BRI3BP: variants seen among roughly 807,000 people sequenced by gnomAD.
BRI3BP encodes BRI3-binding protein.
A neutral mutation model predicts 15.8 loss-of-function variants in BRI3BP; 7 were observed. That is an observed-to-expected ratio of 0.44 (90% confidence interval 0.25 to 0.83). The LOEUF (loss-of-function observed/expected upper bound fraction) is 0.83, where lower values mean the gene tolerates loss of function less well. Ranked by LOEUF, BRI3BP falls within the 40% of genes least tolerant of loss-of-function variation. The pLI, the probability that BRI3BP is intolerant of heterozygous loss-of-function variation, is 0.20. For synonymous variants in BRI3BP, 192 were observed against 163.5 expected (o/e 1.17, Z -1.33); for missense variants, 320 against 339.3 (o/e 0.94, Z 0.45).
the BRI3BP span, among the ~76,000 whole-genome samples, chr12:125,041,598 G>T: frequency 1.3e-5 from 2 of 152,140 alleles, no homozygotes; most frequent in Non-Finnish European, 2.9e-5. Context: ...CTGAGCTCCT[G>T]CCTGGTCCCC....
chr12:124,995,745 A>G (rs927965541), intron 1 of BRI3BP, among the ~76,000 whole-genome samples: 1 of 152,226 alleles, frequency 6.6e-6, no homozygotes, highest in Non-Finnish European at 1.5e-5. Flanking sequence ...ACTGAGACAC[A>G]GAGCAGTGAA....
At chr12:125,033,126 A>G (rs2136004824), downstream of BRI3BP, among the ~76,000 whole-genome samples, 1 of 152,352 alleles carries the variant, frequency 6.6e-6, no homozygotes, top group South Asian at 2.1e-4. Flanking sequence ...GCCAAGGGCA[A>G]AGTTAAGCTT....
chr12:125,018,191 T>C (rs1955263766), intron 2 of BRI3BP, among the ~76,000 whole-genome samples: 2 of 152,206 alleles, frequency 1.3e-5, no homozygotes, highest in Middle Eastern at 6.8e-3. Context: ...ACTTGACAAG[T>C]GTGCAGGTGT....
At chr12:125,010,050 C>T (rs1031501224) in intron 1 of BRI3BP, among the ~76,000 whole-genome samples, 10 of 151,612 alleles carry the variant, frequency 6.6e-5, no homozygotes, top group Non-Finnish European at 8.8e-5. Flanking sequence ...TGCCTTGAGT[C>T]GAGATTGCAC....
intron 1 of BRI3BP, among the ~76,000 whole-genome samples, chr12:124,999,684 T>C (rs796938025): frequency 6.7e-6 from 1 of 150,000 alleles, no homozygotes. Flanking sequence ...GTGGCGCAAT[T>C]TCGGCTCACT....
downstream of BRI3BP, among the ~76,000 whole-genome samples, chr12:125,032,800 A>T (rs1322244529): frequency 6.6e-6 from 1 of 152,228 alleles, no homozygotes; most frequent in Non-Finnish European, 1.5e-5. Context: ...GTAAGAATGC[A>T]TTGAAAGCAA....
the BRI3BP span, among the ~76,000 whole-genome samples, chr12:125,040,948 T>C: frequency 2.8e-4 from 43 of 151,920 alleles, no homozygotes; most frequent in African/African-American, 1.0e-3. Flanking sequence ...CCAGGCTGAT[T>C]TTGAACTCCT....
At position 125,025,352 on chromosome 12, in the gene BRI3BP, C is replaced by T. The variant is rs146116191; in HGVS notation, c.678C>T (p.His226=). ...SNPSVEEKLE[H]LEKQVRLLNI... ...CCAGCGTGGAGGAGAAGCTGGAGCA[C>T]CTGGAGAAGCAGGTCAGACTGCTCA... The change falls in exon 3 of 3, where the codon CAC becomes CAT. Residue 226 remains histidine (H), a synonymous_variant. Transcript: ENST00000341446. 1.5e-5 allele frequency: 24 copies of T among 1,612,828 alleles called. No individual in the cohort carries two copies. The African/African-American group carries it at 3.1e-4, about 21-fold the overall frequency.
intron 1 of BRI3BP, 106 bp from the exon 2 acceptor site, chr12:125,012,428 C>T (rs1955204379): frequency 1.2e-5 from 10 of 867,654 alleles, no homozygotes; most frequent in Non-Finnish European, 1.9e-5. Context: ...ATCATGGGCT[C>T]ACTATTTTTC....
chr12:124,998,265 C>CG lies in BRI3BP; in HGVS notation c.213+4267dup, dbSNP rs558510557. 1.5e-4 allele frequency among the ~76,000 whole-genome samples: 23 copies of CG among 152,146 alleles called. No individual in the cohort carries two copies. In the South Asian group the frequency reaches 4.4e-3, roughly 29 times the overall value. On this transcript the variant is annotated intron_variant, in intron 1 of 2. Coordinates refer to ENST00000341446, the MANE Select transcript of BRI3BP (RefSeq NM_080626.6). ...TTGAGTCGCCCCACTGCACTCAAGC[C>CG]GGGGGAACAGAGACTCCGTCTCAAA...
At chr12:124,997,240 C>G (rs1478142511) in intron 1 of BRI3BP, among the ~76,000 whole-genome samples, 2 of 14,114 alleles carry the variant, frequency 1.4e-4, no homozygotes, top group East Asian at 0.037. Flanking sequence ...TTTTGAGATG[C>G]AGTCTCGCTT....
intron 1 of BRI3BP, among the ~76,000 whole-genome samples, chr12:124,999,605 A>G (rs1290029194): frequency 6.8e-6 from 1 of 147,758 alleles, no homozygotes; most frequent in Non-Finnish European, 1.5e-5. Flanking sequence ...TTTATTTTTT[A>G]TTTTTATTTA....
rs766177067 is a variant in BRI3BP at position 125,025,247 on chromosome 12, G to C, written c.573G>C (p.Val191=). The change falls in exon 3 of 3, where the codon GTG becomes GTC. Residue 191 remains valine (V), a synonymous_variant. Coordinates refer to ENST00000341446, the MANE Select transcript of BRI3BP (RefSeq NM_080626.6). ...ACGCGGTGCTGCCGCTGTGCTTCGT[G>C]GTGGCCGTCTACTTCATGACCGGGC... ...PENAVLPLCF[V]VAVYFMTGPM... is the part of the protein sequence containing the mutation. 1 of 1,614,018 alleles carries C rather than the reference G, an allele frequency of 6.2e-7. No homozygotes were observed. Among genetic ancestry groups the C allele is most frequent in the Non-Finnish European group, 8.5e-7 (1 of 1,180,046 alleles).
chr12:125,046,226 A>T, the BRI3BP span, among the ~76,000 whole-genome samples: 1 of 151,942 alleles, frequency 6.6e-6, no homozygotes, highest in East Asian at 1.9e-4. Context: ...TAACTGACAC[A>T]TAAGTATGCT....
At chr12:125,042,568 T>C in the BRI3BP span, among the ~76,000 whole-genome samples, 1 of 151,502 alleles carries the variant, frequency 6.6e-6, no homozygotes, top group African/African-American at 2.4e-5. Flanking sequence ...TCTCACTCAC[T>C]CTGTTGCACA....
chr12:125,011,081 G>A (rs1594532249), intron 1 of BRI3BP, among the ~76,000 whole-genome samples: 1 of 139,028 alleles, frequency 7.2e-6, no homozygotes, highest in Non-Finnish European at 1.5e-5. Flanking sequence ...GTGACAGAGC[G>A]AGACCCTGTC....
the BRI3BP span, among the ~76,000 whole-genome samples, chr12:125,038,522 T>C: frequency 6.6e-6 from 1 of 152,262 alleles, no homozygotes; most frequent in South Asian, 2.1e-4. Flanking sequence ...TCCCAGCACT[T>C]TGGGAGGCCA....
chr12:124,997,214 C>CTTTTT lies in BRI3BP; in HGVS notation c.213+3226_213+3230dup, dbSNP rs1229802280. 7.1e-3 allele frequency among the ~76,000 whole-genome samples: 364 copies of CTTTTT among 51,512 alleles called. 87 individuals carry two copies. Among genetic ancestry groups the CTTTTT allele is most frequent in the African/African-American group, 0.028 (276 of 9,878 alleles). 33.8% of individuals were successfully genotyped at this position (51,512 alleles called of 152,430 possible). ...TCTCTTTTTTTTTTGCTTTACTTCTCTTTTTTTTTTTTTTTTTTTGAGATG... is the reference window on the plus strand; with the variant it reads ...TCTCTTTTTTTTTTGCTTTACTTCTCTTTTTTTTTTTTTTTTTTTTTTTTGAGATG... On this transcript the variant is annotated intron_variant, in intron 1 of 2. Transcript: ENST00000341446.
intron 2 of BRI3BP, among the ~76,000 whole-genome samples, chr12:125,021,936 C>T (rs1328407249): frequency 6.6e-6 from 1 of 152,030 alleles, no homozygotes; most frequent in Non-Finnish European, 1.5e-5. Flanking sequence ...AAAAATTAGC[C>T]AGCTGTGGTG....
Sources: allele counts gnomAD v4.1 joint callset (sites outside exome capture counted in the v4.1 genomes callset), GRCh38; gene constraint gnomAD v4.1.1; transcripts MANE v1.5; gene names NCBI Gene and HGNC (gene_info 2026-07-23, HGNC 2026-07-21).